APLF: variants seen among roughly 807,000 people sequenced by gnomAD.
The protein encoded by APLF is aprataxin and PNK-like factor.
In APLF, 61 loss-of-function variants were observed where a neutral mutation model predicts 55.6. That is an observed-to-expected ratio of 1.10 (90% CI 0.89 to 1.36). The LOEUF (loss-of-function observed/expected upper bound fraction) is 1.36, where lower values mean the gene tolerates loss of function less well. Among genes scored for constraint, APLF ranks in the 40% most tolerant of loss-of-function variants. APLF has a pLI of 0.00. For synonymous variants in APLF, 207 were observed against 214.8 expected (o/e 0.96, Z 0.32); for missense variants, 611 against 602.5 (o/e 1.01, Z -0.15).
At chr2:68,518,404 A>ATATTATTATATATTATATAATAATT (rs376257699) in intron 5 of APLF, among the ~76,000 whole-genome samples, 1,516 of 108,502 alleles carry the variant, frequency 0.014, 49 homozygotes, top group African/African-American at 0.058. Flanking sequence ...ATATAACAAT[A>ATATTATTATATATTATATAATAATT]TATTATATAT....
At chr2:68,488,530 C>G (rs1676258642) in intron 1 of APLF, among the ~76,000 whole-genome samples, 1 of 151,756 alleles carries the variant, frequency 6.6e-6, no homozygotes, top group African/African-American at 2.4e-5. Flanking sequence ...AGATGGGGGT[C>G]TCACTGTGTT....
chr2:68,476,800 G>A (rs1300055430), intron 1 of APLF, among the ~76,000 whole-genome samples: 1 of 152,096 alleles, frequency 6.6e-6, no homozygotes, highest in African/African-American at 2.4e-5. Flanking sequence ...CTTTTGGAGT[G>A]ATGAATACAT....
At chr2:68,477,852 G>A (rs922772772) in intron 1 of APLF, among the ~76,000 whole-genome samples, 5 of 152,170 alleles carry the variant, frequency 3.3e-5, no homozygotes, top group African/African-American at 4.8e-5. Context: ...ATCAGATCTC[G>A]TGAGACTTAT....
chr2:68,494,114 GAAA>G (rs959243999), intron 2 of APLF, among the ~76,000 whole-genome samples: 1 of 115,918 alleles, frequency 8.6e-6, no homozygotes, highest in Non-Finnish European at 1.8e-5. Flanking sequence ...TCCCAAAAGA[GAAA>G]AAAAAAAAAT....
rs1189106329 is a variant in APLF, at chr2:68,577,800, A to G, written c.1334-20A>G. ...TTGAGTGGTGATTGATGTGTTGTGT[A>G]CCAATCTTCTGTTTTGCAGTGAGAA... On this transcript the variant is annotated intron_variant, in intron 9 of 9. Coordinates refer to ENST00000303795, the MANE Select transcript of APLF (RefSeq NM_173545.3). 1.2e-6 allele frequency: 2 copies of G among 1,612,414 alleles called. No individual in the cohort carries two copies. Among genetic ancestry groups the G allele is most frequent in the East Asian group, 4.5e-5 (2 of 44,760 alleles).
chr2:68,484,148 T>C (rs1676055062), intron 1 of APLF, among the ~76,000 whole-genome samples: 1 of 148,490 alleles, frequency 6.7e-6, no homozygotes, highest in African/African-American at 2.6e-5. Flanking sequence ...CTTCAATAAA[T>C]ACCAAAAATA....
At chr2:68,518,141 AATAAT>A (rs1479737054) in intron 5 of APLF, among the ~76,000 whole-genome samples, 1 of 125,010 alleles carries the variant, frequency 8.0e-6, no homozygotes, top group Non-Finnish European at 1.6e-5. Context: ...ATTAATATAT[AATAAT>A]ATATTATTAA....
chr2:68,474,167 A>C (rs886402541), intron 1 of APLF, among the ~76,000 whole-genome samples: 1 of 152,194 alleles, frequency 6.6e-6, no homozygotes, highest in South Asian at 2.1e-4. Context: ...TGCTCTCACC[A>C]AGTGTGCCAC....
chr2:68,535,796 C>G (rs1484252518), intron 6 of APLF, among the ~76,000 whole-genome samples: 1 of 151,946 alleles, frequency 6.6e-6, no homozygotes, highest in Non-Finnish European at 1.5e-5. Flanking sequence ...CATCCCAACC[C>G]CCTAGGCTTG....
chr2:68,572,918 T>C (rs1671508331), intron 9 of APLF, among the ~76,000 whole-genome samples: 1 of 152,214 alleles, frequency 6.6e-6, no homozygotes, highest in Non-Finnish European at 1.5e-5. Context: ...CTGGCATGTA[T>C]GTCACACAGT....
chr2:68,484,949 T>C (rs761507763), intron 1 of APLF, among the ~76,000 whole-genome samples: 3 of 151,472 alleles, frequency 2.0e-5, no homozygotes, highest in Non-Finnish European at 4.4e-5. Flanking sequence ...TATTGATTTT[T>C]CTTCTGTAAT....
chr2:68,524,839 C>T (rs750219330), intron 5 of APLF, among the ~76,000 whole-genome samples: 8 of 152,220 alleles, frequency 5.3e-5, no homozygotes, highest in South Asian at 2.1e-4. Context: ...ACATCACTCT[C>T]GAGTAGAGGA....
chr2:68,504,282 G>A (rs1676811118), intron 3 of APLF, among the ~76,000 whole-genome samples: 1 of 151,686 alleles, frequency 6.6e-6, no homozygotes, highest in Non-Finnish European at 1.5e-5. Context: ...AATAAAAGAA[G>A]ATATACTTCC....
At chr2:68,544,344 C>G (rs1054466623) in intron 7 of APLF, among the ~76,000 whole-genome samples, 1 of 152,118 alleles carries the variant, frequency 6.6e-6, no homozygotes, top group African/African-American at 2.4e-5. Context: ...CATTCACTCT[C>G]TCACAAGTGT....
intron 9 of APLF, among the ~76,000 whole-genome samples, chr2:68,572,527 A>G (rs541188478): frequency 6.6e-6 from 1 of 152,322 alleles, no homozygotes; most frequent in African/African-American, 2.4e-5. Flanking sequence ...TGTAACACCA[A>G]AAAACTTTGG....
At chr2:68,495,320 G>A (rs985061029) in intron 2 of APLF, among the ~76,000 whole-genome samples, 7 of 152,212 alleles carry the variant, frequency 4.6e-5, no homozygotes, top group African/African-American at 1.7e-4. Flanking sequence ...AACAATGGGG[G>A]TATAGGCATT....
At position 68,578,091 on chromosome 2, in the gene APLF, A is replaced by G. The variant is rs989175474; in HGVS notation, c.*69A>G. The G allele has an allele frequency of 6.5e-7, 1 of 1,527,714 alleles. No individual in the cohort carries two copies. Among genetic ancestry groups the G allele is most frequent in the Non-Finnish European group, 8.8e-7 (1 of 1,140,060 alleles). The allele number at this position is 1,527,714 out of a possible 1,614,324, so 94.6% of individuals were successfully genotyped here. The stretch of plus-strand genomic sequence containing the variant: ...TTTGTGGGAAAACATTTATGAACTA[A>G]GGAGGTACTTAAGTGACAGTTATTT... On this transcript the variant is annotated 3_prime_UTR_variant, in exon 10 of 10. Transcript: ENST00000303795.
chr2:68,532,201 A>G (rs1670277800), intron 6 of APLF, among the ~76,000 whole-genome samples: 1 of 152,296 alleles, frequency 6.6e-6, no homozygotes, highest in Non-Finnish European at 1.5e-5. Flanking sequence ...GAGAGAGAAA[A>G]CAAGAGGCTA....
chr2:68,467,897 C>G lies in APLF; in HGVS notation c.96+70C>G, dbSNP rs573423494. ...TCCGCGCCGGCTCCTGAAGACCGGC[C>G]CTAGTCCTGGCCGGTTTCCCCACCG... On this transcript the variant is annotated intron_variant, in intron 1 of 9. Coordinates refer to ENST00000303795, the MANE Select transcript of APLF (RefSeq NM_173545.3). 1.7e-4 allele frequency: 194 copies of G among 1,155,894 alleles called. 1 individual carries two copies. In the African/African-American group the frequency reaches 2.8e-3, roughly 17 times the overall value. The allele number at this position is 1,155,894 out of a possible 1,614,324, so 71.6% of individuals were successfully genotyped here.
Sources: gnomAD v4.1 joint callset for allele counts (sites outside exome capture counted in the v4.1 genomes callset) on GRCh38, gnomAD v4.1.1 for gene constraint, MANE v1.5 for transcripts, NCBI Gene and HGNC (gene_info 2026-07-23, HGNC 2026-07-21) for gene names.